The following IL1RAPL1 variants were observed in gnomAD, a reference collection of about 807,000 sequenced individuals.
IL1RAPL1 encodes interleukin 1 receptor accessory protein like 1, also known as interleukin-1 receptor accessory protein-like 1.
Under a neutral mutation model 48.4 loss-of-function variants are expected in IL1RAPL1, and 3 were observed. The observed-to-expected ratio is 0.06, with a 90% CI of 0.03 to 0.16. The LOEUF is 0.16. Among genes scored for constraint, IL1RAPL1 ranks in the 10% least tolerant of loss-of-function variants. IL1RAPL1 has a pLI of 1.00. For missense variants in IL1RAPL1, 349 were observed against 530.6 expected, an observed-to-expected ratio of 0.66 and a Z score of 3.36; for synonymous variants, 185 against 187.7, an observed-to-expected ratio of 0.99 and a Z score of 0.12.
chrX:29,437,244 G>A (rs1437438889), intron 5 of IL1RAPL1, among the ~76,000 whole-genome samples: 1 of 110,307 alleles, frequency 9.1e-6, no homozygotes, highest in African/African-American at 3.3e-5. Context: ...ACAATACATA[G>A]CTGTTAATAA....
At chrX:28,768,056 TATA>T (rs1936261853) in intron 1 of IL1RAPL1, among the ~76,000 whole-genome samples, 1 of 111,526 alleles carries the variant, frequency 9.0e-6, no homozygotes, top group Non-Finnish European at 1.9e-5. Flanking sequence ...TTTATAAAGA[TATA>T]ATGGGCTCTA....
chrX:29,645,830 T>C (rs2147088160), intron 5 of IL1RAPL1, among the ~76,000 whole-genome samples: 1 of 112,018 alleles, frequency 8.9e-6, no homozygotes, highest in Non-Finnish European at 1.9e-5. Context: ...AATCCAATCT[T>C]AGTACAGCAT....
At chrX:28,991,795 G>A (rs1454161046) in intron 2 of IL1RAPL1, among the ~76,000 whole-genome samples, 1 of 112,110 alleles carries the variant, frequency 8.9e-6, no homozygotes, top group Non-Finnish European at 1.9e-5. Context: ...AATATTATAT[G>A]GATGCATACC....
intron 2 of IL1RAPL1, among the ~76,000 whole-genome samples, chrX:29,279,632 G>A (rs1402756987): frequency 3.6e-5 from 4 of 111,178 alleles, no homozygotes; most frequent in Non-Finnish European, 7.5e-5. Flanking sequence ...AACACCAAGT[G>A]TCTCTAATGT....
chrX:29,904,552 G>A (rs904031758), intron 6 of IL1RAPL1, among the ~76,000 whole-genome samples: 1 of 106,891 alleles, frequency 9.4e-6, no homozygotes, highest in Non-Finnish European at 1.9e-5. Context: ...GCCCCAGTGT[G>A]TGATGTTCCC....
chrX:29,494,378 G>T (rs1380784327), intron 5 of IL1RAPL1, among the ~76,000 whole-genome samples: 3 of 111,703 alleles, frequency 2.7e-5, no homozygotes, highest in Non-Finnish European at 5.6e-5. Flanking sequence ...ACTGTTGATG[G>T]GCACCTGGGT....
chrX:29,451,233 A>G (rs1427244841), intron 5 of IL1RAPL1, among the ~76,000 whole-genome samples: 1 of 106,061 alleles, frequency 9.4e-6, no homozygotes, highest in East Asian at 2.9e-4. Flanking sequence ...TGTTGCCCAG[A>G]CTGGAGTGCA....
At position 29,320,997 on chromosome X, in the gene IL1RAPL1, C is replaced by T. The variant is rs138875461; in HGVS notation, c.362+37780C>T. On this transcript the variant is annotated intron_variant, in intron 3 of 10. Transcript: ENST00000378993. ...TTAAGAGTTGAATATGTTGTTATGC[C>T]TAAACTACATAACGTCTGCAAAGGT... Among the ~76,000 whole-genome samples the T allele has an allele frequency of 9.6e-3, 1,061 of 110,602 alleles. 5 individuals carry two copies. The highest frequency in any genetic ancestry group is 0.016 in the Non-Finnish European group (852 of 52,942).
chrX:28,716,515 C>T (rs1173995954), intron 1 of IL1RAPL1, among the ~76,000 whole-genome samples: 2 of 111,528 alleles, frequency 1.8e-5, no homozygotes, highest in East Asian at 5.6e-4. Context: ...ACACCATATA[C>T]AAAATTTAAC....
chrX:29,608,943 A>G lies in IL1RAPL1; in HGVS notation c.704-59487A>G, dbSNP rs760210478. ...GCAGCTGTTAGGAAATCCTACTTCT[A>G]TCTATCAAGAAGGGTTTATTTAAGA... On this transcript the variant is annotated intron_variant, in intron 5 of 10. Transcript: ENST00000378993. Among the ~76,000 whole-genome samples, 6 of 112,490 alleles carry G rather than the reference A, an allele frequency of 5.3e-5. No homozygotes were observed. In the South Asian group the frequency reaches 1.5e-3, roughly 28 times the overall value.
At chrX:28,636,430 A>G (rs1039354999) in intron 1 of IL1RAPL1, among the ~76,000 whole-genome samples, 1 of 111,747 alleles carries the variant, frequency 8.9e-6, no homozygotes, top group East Asian at 2.8e-4. Context: ...TTTATTTTTC[A>G]TGTTGCCTCC....
chrX:28,863,518 T>A (rs1414668178), intron 2 of IL1RAPL1, among the ~76,000 whole-genome samples: 1 of 109,457 alleles, frequency 9.1e-6, no homozygotes, highest in Non-Finnish European at 1.9e-5. Context: ...TGATTTAATA[T>A]ATGTGAGATA....
At chrX:28,946,384 A>C (rs628704) in intron 2 of IL1RAPL1, among the ~76,000 whole-genome samples, 41,027 of 109,606 alleles carry the variant, frequency 0.37, 6,213 homozygotes, top group Non-Finnish European at 0.48. Context: ...GATGCTGCTT[A>C]ATTTGTCATC....
chrX:28,914,339 T>C (rs1420727973), intron 2 of IL1RAPL1, among the ~76,000 whole-genome samples: 5 of 111,381 alleles, frequency 4.5e-5, no homozygotes, highest in Non-Finnish European at 9.4e-5. Flanking sequence ...TGTAGAGTCA[T>C]CAATTATTTG....
At chrX:28,594,257 C>A (rs894704647) in intron 1 of IL1RAPL1, among the ~76,000 whole-genome samples, 2 of 111,360 alleles carry the variant, frequency 1.8e-5, no homozygotes, top group African/African-American at 6.5e-5. Context: ...AGTTGAATTT[C>A]GGTATAGATG....
chrX:29,285,656 T>A (rs1237010443), intron 3 of IL1RAPL1, among the ~76,000 whole-genome samples: 4 of 108,033 alleles, frequency 3.7e-5, no homozygotes, highest in African/African-American at 1.0e-4. Context: ...TAATAAAAGG[T>A]GAAACTAAAA....
chrX:28,607,876 C>G (rs934124716), intron 1 of IL1RAPL1, among the ~76,000 whole-genome samples: 2 of 111,042 alleles, frequency 1.8e-5, no homozygotes, highest in Middle Eastern at 4.6e-3. Flanking sequence ...ACGCACATAG[C>G]AGAGTCCATC....
At chrX:28,764,660 TTTA>T (rs1936214978) in intron 1 of IL1RAPL1, among the ~76,000 whole-genome samples, 1 of 112,126 alleles carries the variant, frequency 8.9e-6, no homozygotes, top group South Asian at 3.7e-4. Context: ...TTACTCTGAA[TTTA>T]AATCCCCAGA....
rs888757417 is a variant in IL1RAPL1, at chrX:29,917,372, A to G, written c.779-92A>G. The G allele has an allele frequency of 5.1e-6, 4 of 791,521 alleles. No individual in the cohort carries two copies. In the African/African-American group the frequency reaches 6.3e-5, roughly 12 times the overall value. 65.2% of individuals were successfully genotyped at this position (791,521 alleles called of 1,213,427 possible). A position where few individuals can be genotyped will look rare whatever the true frequency, so the allele number is the denominator to read the frequency against. ...TTTAGAAAGATATTTTATTAAATCA[A>G]TGAAAAGTGATCAAAATGTTACCTG... On this transcript the variant is annotated intron_variant, in intron 6 of 10. Coordinates refer to ENST00000378993, the MANE Select transcript of IL1RAPL1 (RefSeq NM_014271.4).
Sources: allele counts gnomAD v4.1 joint callset (sites outside exome capture counted in the v4.1 genomes callset), GRCh38; gene constraint gnomAD v4.1.1; transcripts MANE v1.5; gene names NCBI Gene and HGNC (gene_info 2026-07-23, HGNC 2026-07-21).